Variants in LDLRAD2 observed in about 807,000 individuals in gnomAD.
LDLRAD2 encodes low-density lipoprotein receptor class A domain-containing protein 2.
In LDLRAD2, 25 loss-of-function variants were observed where a neutral mutation model predicts 24.9. The ratio of observed to expected loss-of-function variants is 1.00; its 90% confidence interval spans 0.73 to 1.40. LDLRAD2 has a LOEUF of 1.40. LDLRAD2 is among the 40% of genes most tolerant of loss of function. The probability of loss-of-function intolerance (pLI) is 0.00; values close to 1 mark genes in which losing one functional copy is unlikely to be tolerated. For synonymous variants in LDLRAD2, 182 were observed against 166.7 expected, an observed-to-expected ratio of 1.09 and a Z score of -0.71; for missense variants, 391 against 366.2, an observed-to-expected ratio of 1.07 and a Z score of -0.55.
Position 21,814,577 on chromosome 1 carries a change from C to T in LDLRAD2, c.265C>T (p.Leu89=). ...FQFRFFLVYS[L]TPAPPALNTS... is the part of the protein sequence containing the mutation. ...GTTCCGCTTCTTCCTGGTCTACAGC[C>T]TGACCCCCGCGCCCCCGGCGCTCAA... The change falls in exon 2 of 5, where the codon CTG becomes TTG. Residue 89 remains leucine (L), a synonymous_variant. Coordinates refer to ENST00000344642, the MANE Select transcript of LDLRAD2 (RefSeq NM_001013693.3). The T allele has an allele frequency of 6.2e-7, 1 of 1,612,134 alleles. No homozygotes were observed.
In LDLRAD2 at chr1:21,824,668, C is replaced by T. The variant is rs747202974; in HGVS notation, c.*2453C>T. On this transcript the variant is annotated 3_prime_UTR_variant, in exon 5 of 5. Coordinates refer to ENST00000344642, the MANE Select transcript of LDLRAD2 (RefSeq NM_001013693.3). This position sits in a 1 kb window ranked among gnomAD's most constrained non-coding sequence, Gnocchi z 5.9. ...AGAAGTCCCAGATTCCCATCCTCCC[C>T]ATTAGGCCCATGGGCCCTTCCAATG... The T allele has an allele frequency of 6.2e-7, 1 of 1,613,204 alleles. No individual in the cohort carries two copies. The highest frequency in any genetic ancestry group is 1.1e-5 in the South Asian group (1 of 90,952).
rs544883114 is a variant in LDLRAD2, at chr1:21,822,318, C to T, written c.*103C>T. ...GAGGGTCCCTTCTAGGACACAGAGGCCAGGCGTCCCAACCCCACAGTCTGG... is the reference window on the plus strand; with the variant it reads ...GAGGGTCCCTTCTAGGACACAGAGGTCAGGCGTCCCAACCCCACAGTCTGG... On this transcript the variant is annotated 3_prime_UTR_variant, in exon 5 of 5. Coordinates refer to ENST00000344642, the MANE Select transcript of LDLRAD2 (RefSeq NM_001013693.3). 4.2e-6 allele frequency: 5 copies of T among 1,194,972 alleles called. No homozygotes were observed. The highest frequency in any genetic ancestry group is 6.2e-6 in the Non-Finnish European group (5 of 811,378). The allele number at this position is 1,194,972 out of a possible 1,614,324, so 74.0% of individuals were successfully genotyped here. A position where few individuals can be genotyped will look rare whatever the true frequency, so the allele number is the denominator to read the frequency against.
chr1:21,822,080 TG>T, intron 4 of LDLRAD2, 121 bp from the exon 5 acceptor site: 2 of 1,575,024 alleles, frequency 1.3e-6, no homozygotes, highest in Non-Finnish European at 1.7e-6. Context: ...GAGACTCAGC[TG>T]CCCCTCTAGA....
chr1:21,825,127 T>C lies in LDLRAD2; in HGVS notation c.*2912T>C, dbSNP rs2097966639. The C allele has an allele frequency of 5.6e-6, 2 of 356,146 alleles. No individual in the cohort carries two copies. Among genetic ancestry groups the C allele is most frequent in the Admixed American group, 8.1e-5 (2 of 24,782 alleles). The allele number at this position is 356,146 out of a possible 1,614,324, so 22.1% of individuals were successfully genotyped here. A position where few individuals can be genotyped will look rare whatever the true frequency, so the allele number is the denominator to read the frequency against. On this transcript the variant is annotated 3_prime_UTR_variant, in exon 5 of 5. Coordinates refer to ENST00000344642, the MANE Select transcript of LDLRAD2 (RefSeq NM_001013693.3). ...TATTTCAAAATATCATTTACACATA[T>C]TGCTGCTTTGAAATTGTGGTAGCTA...
intron 3 of LDLRAD2, among the ~76,000 whole-genome samples, chr1:21,820,537 A>AG (rs1296405035): frequency 1.8e-3 from 263 of 146,290 alleles, no homozygotes; most frequent in Non-Finnish European, 2.8e-3. Context: ...AAAAAAAAAA[A>AG]AAAAGAAAAG....
chr1:21,821,823 T>C, intron 4 of LDLRAD2: 1 of 1,430,052 alleles, frequency 7.0e-7, no homozygotes, highest in Non-Finnish European at 9.1e-7. Flanking sequence ...CCCAGCTGGC[T>C]GGCCTGGCAA....
chr1:21,823,804 G>C lies in LDLRAD2; in HGVS notation c.*1589G>C. ...GACAGAGTCCCCTCCCTCTGATATC[G>C]AGACTCCAGACTCAGAAGTCTGTCC... On this transcript the variant is annotated 3_prime_UTR_variant, in exon 5 of 5. Transcript: ENST00000344642. The C allele has an allele frequency of 2.0e-6, 2 of 1,022,096 alleles. No homozygotes were observed. Among genetic ancestry groups the C allele is most frequent in the African/African-American group, 3.1e-5 (2 of 63,894 alleles). 63.3% of individuals were successfully genotyped at this position (1,022,096 alleles called of 1,614,324 possible).
chr1:21,824,246 C>G lies in LDLRAD2; in HGVS notation c.*2031C>G. 1 of 1,613,158 alleles carries G rather than the reference C, an allele frequency of 6.2e-7. No homozygotes were observed. Among genetic ancestry groups the G allele is most frequent in the Non-Finnish European group, 8.5e-7 (1 of 1,179,434 alleles). The stretch of plus-strand genomic sequence containing the variant: ...CCAAGAAGTATGAGCTGGGGCAGGA[C>G]CGGGGGGTGGGGTGCTGGGACCAGG... On this transcript the variant is annotated 3_prime_UTR_variant, in exon 5 of 5. Transcript: ENST00000344642. This position sits in a 1 kb window ranked among gnomAD's most constrained non-coding sequence, Gnocchi z 5.9.
rs1482231190 is a variant in LDLRAD2 at position 21,814,692 on chromosome 1, G to T, written c.380G>T (p.Gly127Val). 2 of 1,571,976 alleles carry T rather than the reference G, an allele frequency of 1.3e-6. No homozygotes were observed. The highest frequency in any genetic ancestry group is 8.6e-7 in the Non-Finnish European group (1 of 1,159,926). Residue 127 changes from glycine to valine, a missense_variant, in exon 2 of 5, where the codon GGG becomes GTG. Gly to Val is a moderately radical substitution (Grantham distance 109, BLOSUM62 -3). Coordinates refer to ENST00000344642, the MANE Select transcript of LDLRAD2 (RefSeq NM_001013693.3). ...EGPPGAPRPL[G>V]SPLCGLNIPV... ...CCGCCGGGGGCGCCCCGGCCCCTGG[G>T]GTCCCCACTGTGCGGCCTGAACATC...
chr1:21,822,269 GA>G lies in LDLRAD2; in HGVS notation c.*59del. The G allele has an allele frequency of 6.3e-7, 1 of 1,574,986 alleles. No homozygotes were observed. Among genetic ancestry groups the G allele is most frequent in the Non-Finnish European group, 8.7e-7 (1 of 1,144,808 alleles). On this transcript the variant is annotated 3_prime_UTR_variant, in exon 5 of 5. Coordinates refer to ENST00000344642, the MANE Select transcript of LDLRAD2 (RefSeq NM_001013693.3). Reference sequence around the variant, plus strand: ...TGGCGGGGATAGCACCGTTTATTAAGAAAAATCAAGACAAAGACCACAGGAG... The same window carrying G: ...TGGCGGGGATAGCACCGTTTATTAAGAAAATCAAGACAAAGACCACAGGAG...
In LDLRAD2 at chr1:21,825,105, T is replaced by G; in HGVS notation, c.*2890T>G. The G allele has an allele frequency of 2.5e-6, 1 of 402,944 alleles. No individual in the cohort carries two copies. The highest frequency in any genetic ancestry group is 2.3e-5 in the South Asian group (1 of 42,896). 25.0% of individuals were successfully genotyped at this position (402,944 alleles called of 1,614,324 possible). A position where few individuals can be genotyped will look rare whatever the true frequency, so the allele number is the denominator to read the frequency against. Reference sequence around the variant, plus strand: ...ATCACATGACAGTAGCTGCAAATATTTCAAAATATCATTTACACATATTGC... The same window carrying G: ...ATCACATGACAGTAGCTGCAAATATGTCAAAATATCATTTACACATATTGC... On this transcript the variant is annotated 3_prime_UTR_variant, in exon 5 of 5. Coordinates refer to ENST00000344642, the MANE Select transcript of LDLRAD2 (RefSeq NM_001013693.3).
intron 3 of LDLRAD2, among the ~76,000 whole-genome samples, chr1:21,820,490 T>C (rs1572114096): frequency 8.1e-6 from 1 of 123,204 alleles, no homozygotes. Flanking sequence ...GCCACTGCAC[T>C]CCAGCCTGGG....
intron 3 of LDLRAD2, among the ~76,000 whole-genome samples, chr1:21,819,692 T>C (rs964819396): frequency 1.7e-4 from 26 of 151,770 alleles, no homozygotes; most frequent in Non-Finnish European, 2.9e-4. Flanking sequence ...GGAGTTTCCG[T>C]TTGGGCAGAT....
rs1434815844 is a variant in LDLRAD2, at chr1:21,823,291, G to A, written c.*1076G>A. On this transcript the variant is annotated 3_prime_UTR_variant, in exon 5 of 5. Transcript: ENST00000344642. ...ATTGTCGGGCTGGGGCGTGGCCCGG[G>A]AGTCCGTGTGGGGCAGGCAGGTGCC... 10 of 1,494,130 alleles carry A rather than the reference G, an allele frequency of 6.7e-6. No individual in the cohort carries two copies. The East Asian group carries it at 9.9e-5, about 15-fold the overall frequency. The allele number at this position is 1,494,130 out of a possible 1,614,324, so 92.6% of individuals were successfully genotyped here. A position where few individuals can be genotyped will look rare whatever the true frequency, so the allele number is the denominator to read the frequency against.
intron 3 of LDLRAD2, among the ~76,000 whole-genome samples, chr1:21,819,459 ATTAAACCTC>A (rs2097947862): frequency 1.3e-5 from 2 of 151,704 alleles, no homozygotes; most frequent in Admixed American, 1.3e-4. Flanking sequence ...AACTGAGACA[ATTAAACCTC>A]TTTTCTTTAT....
At chr1:21,821,417 C>T (rs1265704427) in intron 3 of LDLRAD2, 33 bp from the exon 4 acceptor site, 2 of 1,611,258 alleles carry the variant, frequency 1.2e-6, no homozygotes, top group Admixed American at 1.7e-5. Context: ...AAGGGCAGTT[C>T]TCAGTGTGCT....
At position 21,822,495 on chromosome 1, in the gene LDLRAD2, C is replaced by T. The variant is rs760750964; in HGVS notation, c.*280C>T. The T allele has an allele frequency of 2.1e-4, 73 of 342,542 alleles. No individual in the cohort carries two copies. Among genetic ancestry groups the T allele is most frequent in the Middle Eastern group, 9.5e-4 (1 of 1,048 alleles). 21.2% of individuals were successfully genotyped at this position (342,542 alleles called of 1,614,324 possible). A position where few individuals can be genotyped will look rare whatever the true frequency, so the allele number is the denominator to read the frequency against. ...TTCCTGAGCACCAGCGGCATCCGTC[C>T]GTCCGTTGTCTGTTGGAGGAGTCCC... On this transcript the variant is annotated 3_prime_UTR_variant, in exon 5 of 5. Transcript: ENST00000344642.
chr1:21,817,979 C>T (rs1419542493), intron 3 of LDLRAD2, among the ~76,000 whole-genome samples: 9 of 152,186 alleles, frequency 5.9e-5, no homozygotes, highest in East Asian at 3.9e-4. Context: ...CTGGTTCAAG[C>T]GATTCTCCTG....
chr1:21,817,746 T>C (rs1450483847), intron 3 of LDLRAD2, among the ~76,000 whole-genome samples: 1 of 152,212 alleles, frequency 6.6e-6, no homozygotes, highest in Non-Finnish European at 1.5e-5. Context: ...GACATTTGTT[T>C]TAATTAATGA....
Sources: allele counts gnomAD v4.1 joint callset (sites outside exome capture counted in the v4.1 genomes callset), GRCh38; gene constraint gnomAD v4.1.1; non-coding constraint Gnocchi (gnomAD v3.1); transcripts MANE v1.5; gene names NCBI Gene and HGNC (gene_info 2026-07-23, HGNC 2026-07-21).